Variants in MUC5AC observed in about 807,000 individuals in gnomAD.
MUC5AC encodes the protein mucin-5AC.
Under a neutral mutation model 169.7 loss-of-function variants are expected in MUC5AC, and 158 were observed. The observed-to-expected ratio is 0.93, with a 90% CI of 0.82 to 1.06. The LOEUF (loss-of-function observed/expected upper bound fraction) is 1.06. Among genes scored for constraint, MUC5AC ranks in the 50% least tolerant of loss-of-function variants. MUC5AC has a pLI of 0.00. For synonymous variants in MUC5AC, 1,975 were observed against 1,237.0 expected, an observed-to-expected ratio of 1.60 and a Z score of -12.52; for missense variants, 4,359 against 3,089.9, an observed-to-expected ratio of 1.41 and a Z score of -9.74.
chr11:1,176,051 C>A, intron 19 of MUC5AC, 100 bp from the exon 20 acceptor site: 1 of 398,566 alleles, frequency 2.5e-6, no homozygotes, highest in South Asian at 1.3e-4. Flanking sequence ...CGCACCCACT[C>A]AATGTGCACG....
chr11:1,192,646 C>T, intron 31 of MUC5AC, 121 bp downstream of exon 31: 1 of 692,112 alleles, frequency 1.4e-6, no homozygotes, highest in Non-Finnish European at 2.6e-6. Context: ...CTCATTGTCA[C>T]AGAGTGGCTG....
At chr11:1,195,487 G>T (rs1461511556) in intron 36 of MUC5AC, among the ~76,000 whole-genome samples, 1 of 152,052 alleles carries the variant, frequency 6.6e-6, no homozygotes, top group East Asian at 1.9e-4. Context: ...GCCGGGAAGG[G>T]GTGGTTGTGG....
chr11:1,193,809 C>T (rs577244026), intron 33 of MUC5AC, 150 bp downstream of exon 33: 47 of 625,488 alleles, frequency 7.5e-5, no homozygotes, highest in Admixed American at 2.9e-4. Flanking sequence ...AAGGCGGGGC[C>T]GCATGGGGCC....
At chr11:1,158,278 C>T (rs1860021247) in intron 1 of MUC5AC, among the ~76,000 whole-genome samples, 1 of 152,232 alleles carries the variant, frequency 6.6e-6, no homozygotes, top group African/African-American at 2.4e-5. Context: ...CTTCGCGGAC[C>T]TCTGAGGCTG....
At chr11:1,180,949 G>A (rs1473725215) in intron 28 of MUC5AC, among the ~76,000 whole-genome samples, 190 bp from the exon 29 acceptor site, 3 of 152,136 alleles carry the variant, frequency 2.0e-5, no homozygotes, top group African/African-American at 7.2e-5. Flanking sequence ...TTGGGCTGAC[G>A]CTGGAGAGAC....
In MUC5AC at chr11:1,163,947, C is replaced by T. The variant is rs1390896387; in HGVS notation, c.745C>T (p.Gln249Ter). The T allele has an allele frequency of 1.9e-6, 3 of 1,611,412 alleles. No homozygotes were observed. Among genetic ancestry groups the T allele is most frequent in the Non-Finnish European group, 8.5e-7 (1 of 1,179,392 alleles). Residue 249 changes from glutamine to a stop codon, truncating the protein, a stop_gained, in exon 7 of 49, where the codon CAG (glutamine) becomes TAG (stop). Transcript: ENST00000621226. LOFTEE classifies it high-confidence loss of function. ...QKMDDPTDQC[Q>*]DPVPEPPRNC... ...GATGGACGACCCCACGGACCAGTGTCAGGACCCTGTCCCTGAACCCCCGAG... is the reference window on the plus strand; with the variant it reads ...GATGGACGACCCCACGGACCAGTGTTAGGACCCTGTCCCTGAACCCCCGAG...
At chr11:1,172,021 C>T (rs1220220344) in intron 15 of MUC5AC, among the ~76,000 whole-genome samples, 15 of 152,334 alleles carry the variant, frequency 9.8e-5, no homozygotes, top group Non-Finnish European at 2.1e-4. Context: ...GGGCGCCAGC[C>T]GTGGGGAGGT....
At position 1,182,519 on chromosome 11, in the gene MUC5AC, C is replaced by T. The variant is rs972352818; in HGVS notation, c.4374C>T (p.Asn1458=). The T allele has an allele frequency of 1.9e-4, 77 of 398,570 alleles. No homozygotes were observed. Among genetic ancestry groups the T allele is most frequent in the Admixed American group, 3.1e-4 (7 of 22,722 alleles). The allele number at this position is 398,570 out of a possible 1,614,324, so 24.7% of individuals were successfully genotyped here. ...CGGATGTGGGGCTGACCTGTCGTAA[C>T]AGGGAGCAGGCATCGGGGCTCTGCT... ...CSPDVGLTCR[N]REQASGLCYN... Residue 1458 remains asparagine (N), a synonymous_variant, in exon 31 of 49, where the codon AAC becomes AAT. Coordinates refer to ENST00000621226, the MANE Select transcript of MUC5AC (RefSeq NM_001304359.2).
chr11:1,178,115 A>G (rs970152770), intron 24 of MUC5AC, among the ~76,000 whole-genome samples: 92 of 151,664 alleles, frequency 6.1e-4, no homozygotes, highest in Non-Finnish European at 1.1e-3. Context: ...AGTCTGCAAG[A>G]CCCCATCTCC....
chr11:1,162,244 G>C, intron 4 of MUC5AC, 76 bp downstream of exon 4: 2 of 1,544,788 alleles, frequency 1.3e-6, no homozygotes, highest in African/African-American at 1.4e-5. Flanking sequence ...GGGGTTTCGC[G>C]GTCCTGGGAG....
At position 1,183,732 on chromosome 11, in the gene MUC5AC, A is replaced by G; in HGVS notation, c.5587A>G (p.Thr1863Ala). The G allele has an allele frequency of 3.7e-6, 2 of 542,768 alleles. No homozygotes were observed. Among genetic ancestry groups the G allele is most frequent in the South Asian group, 3.4e-5 (1 of 29,440 alleles). 33.6% of individuals were successfully genotyped at this position (542,768 alleles called of 1,614,324 possible). A position where few individuals can be genotyped will look rare whatever the true frequency, so the allele number is the denominator to read the frequency against. Reference protein sequence around the residue: ...PGSTSSSPAQTTPSTTSKTTE... With the variant: ...PGSTSSSPAQATPSTTSKTTE... ...CTCCACCTCTAGCAGTCCAGCCCAG[A>G]CCACTCCTTCAACAACCTCCAAGAC... The change falls in exon 31 of 49, where the codon ACC becomes GCC. Residue 1863 changes from threonine (T) to alanine (A), a missense_variant. By Grantham distance (58) the Thr-to-Ala change is moderately conservative. Transcript: ENST00000621226.
At chr11:1,196,840 G>T (rs1861288684) in intron 39 of MUC5AC, 37 bp from the exon 40 acceptor site, 4 of 759,044 alleles carry the variant, frequency 5.3e-6, no homozygotes, top group Non-Finnish European at 7.2e-6. Flanking sequence ...TATTGTGGTG[G>T]CTGACCCCCA....
At position 1,177,859 on chromosome 11, in the gene MUC5AC, G is replaced by A. The variant is rs1030627876; in HGVS notation, c.3087+226G>A. Reference sequence around the variant, plus strand: ...CTAGAGCAAAGGCCCGCACCCTGGCGGATTTGCCCGCAGCCTGGACACTGG... The same window carrying A: ...CTAGAGCAAAGGCCCGCACCCTGGCAGATTTGCCCGCAGCCTGGACACTGG... On this transcript the variant is annotated intron_variant, in intron 24 of 48. Coordinates refer to ENST00000621226, the MANE Select transcript of MUC5AC (RefSeq NM_001304359.2). 5.1e-4 allele frequency among the ~76,000 whole-genome samples: 77 copies of A among 152,328 alleles called. No homozygotes were observed. The East Asian group carries it at 7.9e-3, about 16-fold the overall frequency.
In MUC5AC at chr11:1,189,164, C is replaced by G. The variant is rs1449370793; in HGVS notation, c.11019C>G (p.Thr3673=). 1 of 599,202 alleles carries G rather than the reference C, an allele frequency of 1.7e-6. No individual in the cohort carries two copies. Among genetic ancestry groups the G allele is most frequent in the Non-Finnish European group, 3.0e-6 (1 of 336,204 alleles). The allele number at this position is 599,202 out of a possible 1,614,324, so 37.1% of individuals were successfully genotyped here. A position where few individuals can be genotyped will look rare whatever the true frequency, so the allele number is the denominator to read the frequency against. Residue 3673 remains threonine, a synonymous_variant, in exon 31 of 49, where the codon ACC becomes ACG. Transcript: ENST00000621226. ...CCTCCACTACACAGACCAGCACAAC[C>G]TCTGCCCCTACAACTAGCACAACCC... is the stretch of plus-strand genomic sequence containing the variant. The part of the protein sequence containing the change: ...SITSTTQTST[T]SAPTTSTTPA...
At chr11:1,171,820 CCACTCACCCACTCAACACT>C (rs1171889977) in intron 15 of MUC5AC, among the ~76,000 whole-genome samples, 1 of 147,628 alleles carries the variant, frequency 6.8e-6, no homozygotes, top group African/African-American at 2.5e-5. Flanking sequence ...ACTCACTCAC[CCACTCACCCACTCAACACT>C]CACTCACCCA....
intron 15 of MUC5AC, among the ~76,000 whole-genome samples, chr11:1,171,838 C>G (rs1443039573): frequency 2.0e-5 from 3 of 147,634 alleles, no homozygotes; most frequent in Non-Finnish European, 4.5e-5. Flanking sequence ...CCACTCAACA[C>G]TCACTCACCC....
Position 1,165,569 on chromosome 11 carries a change from G to T in MUC5AC, c.1248-53G>T, listed in dbSNP as rs550070405. 4.9e-5 allele frequency: 79 copies of T among 1,606,152 alleles called. No individual in the cohort carries two copies. In the East Asian group the frequency reaches 1.3e-3, roughly 27 times the overall value. On this transcript the variant is annotated intron_variant, in intron 10 of 48. Transcript: ENST00000621226. Reference sequence around the variant, plus strand: ...CGGTCAGCCTCCTGACGCGGAGGCTGGAGGCTGGTCTCCTGGGGCCGGCAC... The same window carrying T: ...CGGTCAGCCTCCTGACGCGGAGGCTTGAGGCTGGTCTCCTGGGGCCGGCAC...
At chr11:1,171,562 C>G (rs1417977524) in intron 15 of MUC5AC, among the ~76,000 whole-genome samples, 1 of 143,234 alleles carries the variant, frequency 7.0e-6, no homozygotes, top group Admixed American at 7.0e-5. Flanking sequence ...ACCACCCACT[C>G]ACCCACTCAC....
chr11:1,190,284 C>T lies in MUC5AC; in HGVS notation c.12139C>T (p.Arg4047Cys), dbSNP rs1404709282. The stretch of plus-strand genomic sequence containing the variant: ...CAAGATGTGCCTCAACTACGAGGTG[C>T]GTGTGCTCTGCTGCGAGACCCCCAA... Reference protein sequence around the residue: ...PFKMCLNYEVRVLCCETPKGC... With the variant: ...PFKMCLNYEVCVLCCETPKGC... The change falls in exon 31 of 49, where the codon CGT (arginine) becomes TGT (cysteine). Residue 4047 changes from arginine to cysteine, a missense_variant. Physicochemically the swap from Arg to Cys is radical, Grantham distance 180 (BLOSUM62 -3). Transcript: ENST00000621226. 1.7e-5 allele frequency: 12 copies of T among 709,624 alleles called. No individual in the cohort carries two copies. Among genetic ancestry groups the T allele is most frequent in the East Asian group, 2.5e-5 (1 of 40,382 alleles). The allele number at this position is 709,624 out of a possible 1,614,324, so 44.0% of individuals were successfully genotyped here. A position where few individuals can be genotyped will look rare whatever the true frequency, so the allele number is the denominator to read the frequency against.
Sources: allele counts gnomAD v4.1 joint callset (sites outside exome capture counted in the v4.1 genomes callset), GRCh38; gene constraint gnomAD v4.1.1; transcripts MANE v1.5; gene names NCBI Gene and HGNC (gene_info 2026-07-23, HGNC 2026-07-21).